Variants in CHN1 observed in about 807,000 individuals in gnomAD.
CHN1 encodes the protein chimerin 1.
CHN1 carries 37 observed loss-of-function variants against 59.5 expected under a neutral mutation model. That is an observed-to-expected ratio of 0.62 (90% CI 0.48 to 0.82). CHN1 has a LOEUF of 0.82. Ranked by LOEUF, CHN1 falls within the 40% of genes least tolerant of loss-of-function variation. The pLI is 0.00. For synonymous variants in CHN1, 206 were observed against 200.4 expected, an observed-to-expected ratio of 1.03 and a Z score of -0.24; for missense variants, 469 against 571.0, an observed-to-expected ratio of 0.82 and a Z score of 1.82.
At chr2:174,828,255 G>A (rs1391224190) in intron 7 of CHN1, among the ~76,000 whole-genome samples, 1 of 152,144 alleles carries the variant, frequency 6.6e-6, no homozygotes, top group Admixed American at 6.5e-5. Flanking sequence ...GGAATTCAGA[G>A]AAGGGCCACT....
chr2:174,959,709 G>A (rs1690337965), intron 1 of CHN1, among the ~76,000 whole-genome samples: 1 of 152,148 alleles, frequency 6.6e-6, no homozygotes, highest in African/African-American at 2.4e-5. Context: ...GTGATCTAAG[G>A]TCACACAAAA....
intron 3 of CHN1, among the ~76,000 whole-genome samples, chr2:174,942,695 T>C (rs772370192): frequency 8.5e-5 from 13 of 152,152 alleles, no homozygotes; most frequent in Non-Finnish European, 1.5e-4. Context: ...TATCAAAATA[T>C]CACTCTGTAC....
intron 2 of CHN1, among the ~76,000 whole-genome samples, chr2:174,950,365 C>T (rs1689985005): frequency 6.6e-6 from 1 of 151,424 alleles, no homozygotes; most frequent in Non-Finnish European, 1.5e-5. Context: ...CTCTCAGGTA[C>T]AAGTGATTCT....
intron 6 of CHN1, chr2:174,847,630 G>T: frequency 7.6e-7 from 1 of 1,320,364 alleles, no homozygotes; most frequent in Non-Finnish European, 1.0e-6. Flanking sequence ...ATTTCACAAG[G>T]AAGGCTGCAT....
chr2:174,927,048 G>A (rs1236230892), intron 3 of CHN1, among the ~76,000 whole-genome samples: 2 of 151,932 alleles, frequency 1.3e-5, no homozygotes, highest in South Asian at 2.1e-4. Flanking sequence ...GTGAGCCACT[G>A]CGCCCGGCCT....
chr2:174,839,398 ATGT>A (rs879892697), intron 7 of CHN1, among the ~76,000 whole-genome samples: 1 of 152,202 alleles, frequency 6.6e-6, no homozygotes, highest in Non-Finnish European at 1.5e-5. Flanking sequence ...GGAGGACATG[ATGT>A]TAAGTGAAAT....
chr2:174,984,125 C>T (rs932681764), intron 1 of CHN1, among the ~76,000 whole-genome samples: 1 of 151,162 alleles, frequency 6.6e-6, no homozygotes, highest in African/African-American at 2.4e-5. Flanking sequence ...GAAATAGGCA[C>T]GTTTGAAAGC....
chr2:174,890,199 A>G (rs1252692180), intron 5 of CHN1, among the ~76,000 whole-genome samples: 2 of 152,194 alleles, frequency 1.3e-5, no homozygotes, highest in African/African-American at 2.4e-5. Context: ...AGATGTAAAA[A>G]CACACAAGCC....
At position 174,944,910 on chromosome 2, in the gene CHN1, C is replaced by T. The variant is rs1439551726; in HGVS notation, c.92G>A (p.Arg31Gln). The T allele has an allele frequency of 1.9e-6, 3 of 1,582,374 alleles. No homozygotes were observed. Among genetic ancestry groups the T allele is most frequent in the Non-Finnish European group, 2.6e-6 (3 of 1,162,634 alleles). Reference protein sequence around the residue: ...YQLQQEAPHPRRITCTCEVEN... With the variant: ...YQLQQEAPHPQRITCTCEVEN... Reference sequence around the variant, plus strand: ...CACCTCGCAAGTACAGGTAATTCTTCGAGGATGAGGGGCTTCCTGTTGTAG... The same window carrying T: ...CACCTCGCAAGTACAGGTAATTCTTTGAGGATGAGGGGCTTCCTGTTGTAG... The change falls in exon 3 of 13, where the codon CGA becomes CAA. Residue 31 changes from arginine to glutamine, a missense_variant. By Grantham distance (43) the Arg-to-Gln change is conservative. Transcript: ENST00000409900.
At chr2:174,837,989 G>A (rs914775400) in intron 7 of CHN1, among the ~76,000 whole-genome samples, 1 of 152,150 alleles carries the variant, frequency 6.6e-6, no homozygotes, top group Non-Finnish European at 1.5e-5. Context: ...GAGATATGGA[G>A]TACTTGACAA....
chr2:174,799,825 G>C lies in CHN1; in HGVS notation c.*291C>G, dbSNP rs1684656480. On this transcript the variant is annotated 3_prime_UTR_variant, in exon 13 of 13. Coordinates refer to ENST00000409900, the MANE Select transcript of CHN1 (RefSeq NM_001822.7). ...GCAGAGGCGGTGCAGGCGCAGGTTTGTTGTTTCTTCTGTATGGGGTTTCCT... is the reference window on the plus strand; with the variant it reads ...GCAGAGGCGGTGCAGGCGCAGGTTTCTTGTTTCTTCTGTATGGGGTTTCCT... 7.1e-6 allele frequency: 4 copies of C among 561,190 alleles called. No homozygotes were observed. The highest frequency in any genetic ancestry group is 1.4e-5 in the Non-Finnish European group (4 of 295,028). 34.8% of individuals were successfully genotyped at this position (561,190 alleles called of 1,614,324 possible). A position where few individuals can be genotyped will look rare whatever the true frequency, so the allele number is the denominator to read the frequency against.
intron 1 of CHN1, among the ~76,000 whole-genome samples, chr2:175,003,394 G>A (rs1275950839): frequency 6.6e-6 from 1 of 152,106 alleles, no homozygotes; most frequent in Non-Finnish European, 1.5e-5. Context: ...TCACCACAGT[G>A]GTTAAAGATT....
intron 1 of CHN1, among the ~76,000 whole-genome samples, chr2:174,985,760 T>C (rs1270741497): frequency 6.6e-6 from 1 of 152,194 alleles, no homozygotes; most frequent in Non-Finnish European, 1.5e-5. Context: ...CAAGGAGTCT[T>C]GACTAAAGCT....
chr2:174,875,072 C>T (rs989493136), intron 6 of CHN1, among the ~76,000 whole-genome samples: 1 of 151,874 alleles, frequency 6.6e-6, no homozygotes, highest in African/African-American at 2.4e-5. Flanking sequence ...CGAGGTTTCA[C>T]CATGTTGGCC....
intron 3 of CHN1, among the ~76,000 whole-genome samples, chr2:174,931,730 A>T (rs1689353231): frequency 6.6e-6 from 1 of 152,206 alleles, no homozygotes; most frequent in African/African-American, 2.4e-5. Flanking sequence ...TGCTGGGGGG[A>T]TGATAAAGTA....
intron 3 of CHN1, among the ~76,000 whole-genome samples, chr2:174,936,116 T>C (rs1689488483): frequency 6.6e-6 from 1 of 152,214 alleles, no homozygotes; most frequent in African/African-American, 2.4e-5. Flanking sequence ...AGCCTCAGTC[T>C]ACTTTACCCA....
chr2:174,826,021 A>G (rs2105403906), intron 7 of CHN1, among the ~76,000 whole-genome samples: 1 of 152,360 alleles, frequency 6.6e-6, no homozygotes, highest in South Asian at 2.1e-4. Context: ...ATATCCATAT[A>G]AAGCTGCAAG....
At chr2:174,985,034 T>C (rs1691294440) in intron 1 of CHN1, among the ~76,000 whole-genome samples, 1 of 152,234 alleles carries the variant, frequency 6.6e-6, no homozygotes. Flanking sequence ...TCCTTGGGCT[T>C]TTCTTATTCT....
chr2:174,902,076 T>A (rs1191267513), intron 5 of CHN1, among the ~76,000 whole-genome samples: 2 of 152,224 alleles, frequency 1.3e-5, no homozygotes, highest in African/African-American at 4.8e-5. Context: ...TAACAGTGAT[T>A]ATTTCTGGAT....
Sources: gnomAD v4.1 joint callset for allele counts (sites outside exome capture counted in the v4.1 genomes callset) on GRCh38, gnomAD v4.1.1 for gene constraint, MANE v1.5 for transcripts, NCBI Gene and HGNC (gene_info 2026-07-23, HGNC 2026-07-21) for gene names.